Variants in VRK1 observed in about 807,000 individuals in gnomAD.
VRK1 encodes VRK serine/threonine kinase 1.
VRK1 carries 33 observed loss-of-function variants against 57.1 expected under a neutral mutation model. That is an observed-to-expected ratio of 0.58 (90% CI 0.44 to 0.77). VRK1 has a LOEUF of 0.77. Ranked by LOEUF, VRK1 falls within the 30% of genes least tolerant of loss-of-function variation. The probability of loss-of-function intolerance (pLI) is 0.00; values close to 1 mark genes in which losing one functional copy is unlikely to be tolerated. For missense variants in VRK1, 413 were observed against 477.3 expected (o/e 0.87, Z 1.25); for synonymous variants, 137 against 147.8 (o/e 0.93, Z 0.53).
chr14:96,822,906 C>T (rs895075635), intron 1 of VRK1, among the ~76,000 whole-genome samples: 2 of 152,206 alleles, frequency 1.3e-5, no homozygotes, highest in African/African-American at 4.8e-5. Context: ...CCCTTGCTCA[C>T]GCCACACCAG....
intron 1 of VRK1, among the ~76,000 whole-genome samples, chr14:96,825,049 G>T (rs989310071): frequency 6.6e-6 from 1 of 152,142 alleles, no homozygotes; most frequent in Non-Finnish European, 1.5e-5. Flanking sequence ...ATTAGAGAAG[G>T]ATTAATTAAT....
intron 1 of VRK1, among the ~76,000 whole-genome samples, chr14:96,800,196 T>C (rs936971284): frequency 8.5e-5 from 13 of 152,208 alleles, no homozygotes; most frequent in African/African-American, 3.1e-4. Context: ...ATATTTCTAC[T>C]TGCCATTATA....
At chr14:96,861,433 A>G (rs988075445) in intron 11 of VRK1, among the ~76,000 whole-genome samples, 6 of 152,160 alleles carry the variant, frequency 3.9e-5, no homozygotes, top group African/African-American at 9.7e-5. Flanking sequence ...ATTTAATACA[A>G]TGTGTTAGCT....
chr14:96,848,069 A>G (rs1306672981), intron 5 of VRK1, among the ~76,000 whole-genome samples: 1 of 152,144 alleles, frequency 6.6e-6, no homozygotes, highest in Non-Finnish European at 1.5e-5. Context: ...CTGGGGATAT[A>G]TTGCTTAGGA....
chr14:96,856,493 C>T, intron 9 of VRK1, 35 bp from the exon 10 acceptor site: 1 of 1,556,378 alleles, frequency 6.4e-7, no homozygotes. Flanking sequence ...CATATGACAT[C>T]AAGCTTCAGT....
intron 12 of VRK1, 59 bp downstream of exon 12, chr14:96,876,179 C>A: frequency 6.5e-7 from 1 of 1,530,066 alleles, no homozygotes; most frequent in Non-Finnish European, 9.1e-7. Context: ...TCATTTCCTC[C>A]CATTAGATGA....
intron 11 of VRK1, among the ~76,000 whole-genome samples, chr14:96,863,991 C>A (rs1373108602): frequency 6.6e-6 from 1 of 152,162 alleles, no homozygotes; most frequent in African/African-American, 2.4e-5. Flanking sequence ...TGAATGTGCT[C>A]TAAATTTGGT....
intron 5 of VRK1, among the ~76,000 whole-genome samples, chr14:96,851,662 CAT>C (rs1234146823): frequency 1.3e-5 from 2 of 152,132 alleles, no homozygotes; most frequent in African/African-American, 4.8e-5. Context: ...AAGCCTATAA[CAT>C]ATAAATGGGA....
chr14:96,827,023 T>G (rs1361260185), intron 1 of VRK1, among the ~76,000 whole-genome samples: 1 of 152,026 alleles, frequency 6.6e-6, no homozygotes, highest in Non-Finnish European at 1.5e-5. Context: ...CAGAACTGTG[T>G]TCTCTAAAGA....
At chr14:96,858,357 G>A (rs1001243926) in intron 10 of VRK1, among the ~76,000 whole-genome samples, 1 of 152,178 alleles carries the variant, frequency 6.6e-6, no homozygotes, top group African/African-American at 2.4e-5. Context: ...GCCTCCCAAA[G>A]TGTTGGGATT....
intron 5 of VRK1, among the ~76,000 whole-genome samples, chr14:96,851,432 G>A (rs1259223243): frequency 6.6e-6 from 1 of 152,108 alleles, no homozygotes; most frequent in Non-Finnish European, 1.5e-5. Context: ...TGAACTACCA[G>A]GCCCGGCCAC....
chr14:96,863,660 C>T (rs1349479932), intron 11 of VRK1, among the ~76,000 whole-genome samples: 1 of 152,054 alleles, frequency 6.6e-6, no homozygotes, highest in Admixed American at 6.6e-5. Context: ...ATTGTTGCTC[C>T]CTATGAATGA....
intron 5 of VRK1, among the ~76,000 whole-genome samples, chr14:96,849,158 G>A (rs1038424975): frequency 6.6e-6 from 1 of 152,202 alleles, no homozygotes; most frequent in South Asian, 2.1e-4. Flanking sequence ...TTGAGCAAGG[G>A]ATGAGGTGAC....
At chr14:96,865,453 G>A (rs574980991) in intron 11 of VRK1, among the ~76,000 whole-genome samples, 2 of 152,230 alleles carry the variant, frequency 1.3e-5, no homozygotes, top group East Asian at 1.9e-4. Flanking sequence ...ATACCTGATA[G>A]CATATATTCT....
At chr14:96,807,264 C>T (rs150085722) in intron 1 of VRK1, among the ~76,000 whole-genome samples, 9 of 152,306 alleles carry the variant, frequency 5.9e-5, no homozygotes, top group African/African-American at 1.9e-4. Flanking sequence ...TACTTAATTT[C>T]TTCTACTCAC....
chr14:96,805,540 G>A (rs963085196), intron 1 of VRK1, among the ~76,000 whole-genome samples: 1 of 152,134 alleles, frequency 6.6e-6, no homozygotes, highest in Admixed American at 6.6e-5. Context: ...TATCTGTGGG[G>A]ATCTCTTTGG....
At chr14:96,872,895 A>G (rs1323052943) in intron 11 of VRK1, among the ~76,000 whole-genome samples, 1 of 152,220 alleles carries the variant, frequency 6.6e-6, no homozygotes, top group Non-Finnish European at 1.5e-5. Context: ...AATAAGATTA[A>G]CTGATTAGTC....
At chr14:96,878,140 A>C (rs771820514) in intron 12 of VRK1, among the ~76,000 whole-genome samples, 58 of 152,174 alleles carry the variant, frequency 3.8e-4, no homozygotes, top group Non-Finnish European at 2.5e-4. Context: ...AATGCGAGTT[A>C]AGGTATTTTA....
intron 1 of VRK1, among the ~76,000 whole-genome samples, chr14:96,823,963 T>C (rs558502342): frequency 1.3e-5 from 2 of 152,352 alleles, no homozygotes; most frequent in South Asian, 2.1e-4. Flanking sequence ...TTTACTATTA[T>C]TGTGGATAGT....
Sources: allele counts gnomAD v4.1 joint callset (sites outside exome capture counted in the v4.1 genomes callset), GRCh38; gene constraint gnomAD v4.1.1; transcripts MANE v1.5; gene names NCBI Gene and HGNC (gene_info 2026-07-23, HGNC 2026-07-21).